The following ADGRL2 variants were observed in gnomAD, a reference collection of about 807,000 sequenced individuals.
ADGRL2 encodes the protein calcium-independent alpha-latrotoxin receptor 2.
In ADGRL2, 44 loss-of-function variants were observed where a neutral mutation model predicts 157.4. The observed-to-expected ratio is 0.28, with a 90% CI of 0.22 to 0.36. The LOEUF is 0.36. ADGRL2 is among the 10% of genes least tolerant of loss of function. The pLI, the probability that ADGRL2 is intolerant of heterozygous loss-of-function variation, is 1.00. For synonymous variants in ADGRL2, 585 were observed against 624.7 expected (o/e 0.94, Z 0.95); for missense variants, 1,510 against 1,768.9 (o/e 0.85, Z 2.63).
intron 2 of ADGRL2, among the ~76,000 whole-genome samples, chr1:81,554,491 T>G (rs2080225011): frequency 2.6e-5 from 4 of 151,462 alleles, no homozygotes. Context: ...TTTTTTTTTT[T>G]GGCAAAAAAA....
Position 81,333,459 on chromosome 1 carries a change from A to G in ADGRL2, c.-302+26950A>G, listed in dbSNP as rs58866968. ...GAGACGGAGTCTCACTCTATCGCCC[A>G]GGCTGGAGTGCAGTGGCACCATCTT... On this transcript the variant is annotated intron_variant, in intron 1 of 24. Coordinates refer to the ADGRL2 transcript ENST00000370721. Among the ~76,000 whole-genome samples, 1,312 of 152,172 alleles carry G rather than the reference A, an allele frequency of 8.6e-3. 15 individuals carry two copies. Among genetic ancestry groups the G allele is most frequent in the African/African-American group, 0.03 (1,252 of 41,526 alleles).
intron 1 of ADGRL2, among the ~76,000 whole-genome samples, chr1:81,436,340 G>T (rs2077409245): frequency 1.3e-5 from 2 of 152,138 alleles, no homozygotes; most frequent in African/African-American, 4.8e-5. Context: ...TCACTGACGG[G>T]TTTGATACCA....
chr1:81,395,302 A>G (rs1391615046), intron 1 of ADGRL2, among the ~76,000 whole-genome samples: 1 of 152,066 alleles, frequency 6.6e-6, no homozygotes, highest in Admixed American at 6.6e-5. Context: ...GCATTTTTTC[A>G]TATACTTCTT....
chr1:81,953,572 T>A (rs1352190333), intron 10 of ADGRL2, among the ~76,000 whole-genome samples: 1 of 152,154 alleles, frequency 6.6e-6, no homozygotes, highest in Non-Finnish European at 1.5e-5. Flanking sequence ...ATATGTTACA[T>A]ACTGTTTTTT....
At chr1:81,363,700 A>G (rs2076017380) in intron 1 of ADGRL2, among the ~76,000 whole-genome samples, 2 of 152,074 alleles carry the variant, frequency 1.3e-5, no homozygotes, top group Non-Finnish European at 2.9e-5. Flanking sequence ...ATCATAAAAG[A>G]TTGTGTTTTG....
At chr1:81,539,816 A>T (rs74988086) in intron 2 of ADGRL2, among the ~76,000 whole-genome samples, 1 of 86,714 alleles carries the variant, frequency 1.2e-5, no homozygotes, top group East Asian at 2.5e-4. Context: ...GGAAAAGATT[A>T]AAAAAAAAAA....
intron 2 of ADGRL2, among the ~76,000 whole-genome samples, chr1:81,563,596 A>G (rs1285349781): frequency 6.6e-6 from 1 of 152,192 alleles, no homozygotes; most frequent in Non-Finnish European, 1.5e-5. Context: ...CAGAAATATA[A>G]CAGAATTTTA....
At chr1:81,313,181 C>G (rs1476984120) in intron 1 of ADGRL2, among the ~76,000 whole-genome samples, 2 of 152,142 alleles carry the variant, frequency 1.3e-5, no homozygotes, top group Non-Finnish European at 2.9e-5. Flanking sequence ...TGTTTCATGA[C>G]TTCATTTTAT....
At chr1:81,409,973 A>G (rs936188144) in intron 1 of ADGRL2, among the ~76,000 whole-genome samples, 5 of 152,310 alleles carry the variant, frequency 3.3e-5, no homozygotes, top group African/African-American at 1.2e-4. Flanking sequence ...CCAAAGGGAA[A>G]AAGAAACTGG....
intron 1 of ADGRL2, among the ~76,000 whole-genome samples, chr1:81,387,086 T>A (rs1047645490): frequency 1.3e-5 from 2 of 152,208 alleles, no homozygotes; most frequent in Non-Finnish European, 2.9e-5. Context: ...GGAATTAACG[T>A]TAGCTAGTAT....
intron 2 of ADGRL2, among the ~76,000 whole-genome samples, chr1:81,897,236 T>TTA (rs1341737656): frequency 6.6e-6 from 1 of 152,096 alleles, no homozygotes; most frequent in Non-Finnish European, 1.5e-5. Context: ...AGGAGATAGT[T>TTA]TAAACAGAGG....
intron 3 of ADGRL2, among the ~76,000 whole-genome samples, chr1:81,598,290 T>C (rs2081274632): frequency 6.6e-6 from 1 of 152,202 alleles, no homozygotes; most frequent in East Asian, 1.9e-4. Context: ...ACTTAGGCTT[T>C]TGGCTGTTTG....
chr1:81,861,606 G>A (rs904042027), intron 2 of ADGRL2, among the ~76,000 whole-genome samples: 5 of 152,020 alleles, frequency 3.3e-5, no homozygotes, highest in African/African-American at 1.2e-4. Context: ...ATAAACACAT[G>A]GGCCATGCAC....
intron 1 of ADGRL2, among the ~76,000 whole-genome samples, chr1:81,378,689 A>T (rs2076293855): frequency 6.6e-6 from 1 of 152,166 alleles, no homozygotes; most frequent in East Asian, 1.9e-4. Context: ...CAACAATAAC[A>T]ACATATACCT....
intron 1 of ADGRL2, among the ~76,000 whole-genome samples, chr1:81,348,361 G>A (rs1662630674): frequency 6.6e-6 from 1 of 152,070 alleles, no homozygotes; most frequent in African/African-American, 2.4e-5. Context: ...CGACAAACTC[G>A]TCCTCTGGTA....
chr1:81,379,893 G>C (rs1557642670), intron 1 of ADGRL2, among the ~76,000 whole-genome samples: 1 of 152,316 alleles, frequency 6.6e-6, no homozygotes, highest in East Asian at 1.9e-4. Context: ...AGGCAGAAGT[G>C]CCTGTCCTCA....
At chr1:81,470,624 A>G (rs2078151691) in intron 2 of ADGRL2, among the ~76,000 whole-genome samples, 2 of 152,202 alleles carry the variant, frequency 1.3e-5, no homozygotes, top group African/African-American at 2.4e-5. Context: ...TTTAAAGTCA[A>G]AGAAACATAT....
intron 3 of ADGRL2, among the ~76,000 whole-genome samples, chr1:81,652,984 A>G (rs1190199242): frequency 1.3e-5 from 2 of 152,130 alleles, no homozygotes; most frequent in African/African-American, 4.8e-5. Context: ...ATTTGTCCTG[A>G]ACAGATCCCA....
intron 22 of ADGRL2, chr1:81,987,245 A>C (rs377615156): frequency 4.0e-4 from 602 of 1,518,688 alleles, no homozygotes; most frequent in Non-Finnish European, 5.1e-4. Context: ...ATAATGATCC[A>C]TGTTTTTAAC....
Sources: gnomAD v4.1 joint callset for allele counts (sites outside exome capture counted in the v4.1 genomes callset) on GRCh38, gnomAD v4.1.1 for gene constraint, MANE v1.5 for transcripts, NCBI Gene and HGNC (gene_info 2026-07-23, HGNC 2026-07-21) for gene names.